The following ATP12A variants were observed in gnomAD, a reference collection of about 807,000 sequenced individuals.
ATP12A encodes potassium-transporting ATPase alpha chain 2.
In ATP12A, 81 loss-of-function variants were observed where a neutral mutation model predicts 111.2. The observed-to-expected ratio is 0.73, with a 90% CI of 0.61 to 0.88. The LOEUF is 0.88. ATP12A is among the 40% of genes least tolerant of loss of function. The pLI, the probability that ATP12A is intolerant of heterozygous loss-of-function variation, is 0.00. For missense variants in ATP12A, 1,196 were observed against 1,313.1 expected, an observed-to-expected ratio of 0.91 and a Z score of 1.38; for synonymous variants, 498 against 499.8, an observed-to-expected ratio of 1.00 and a Z score of 0.05.
chr13:24,692,745 A>C (rs1412101329), intron 9 of ATP12A, 42 bp from the exon 10 acceptor site: 1 of 1,607,464 alleles, frequency 6.2e-7, no homozygotes, highest in Admixed American at 1.7e-5. Context: ...ATGGACGGCC[A>C]GCCCAACCCA....
chr13:24,690,661 A>C lies in ATP12A; in HGVS notation c.739A>C (p.Thr247Pro), dbSNP rs761731384. Residue 247 changes from threonine (T) to proline (P), a missense_variant, in exon 7 of 23, where the codon ACC (threonine) becomes CCC (proline). By Grantham distance (38) the Thr-to-Pro change is conservative. This residue lies in a region of ATP12A where 1,126 missense variants were observed against 1,228.5 expected (regional missense o/e 0.92). Coordinates refer to ENST00000381946, the MANE Select transcript of ATP12A (RefSeq NM_001676.7). Reference protein sequence around the residue: ...SEPQPRSSEFTHENPLETKNI... With the variant: ...SEPQPRSSEFPHENPLETKNI... Reference sequence around the variant, plus strand: ...GCCCCAGCCCCGCTCCTCTGAGTTTACCCATGAAAACCCCCTGGAAACAAA... The same window carrying C: ...GCCCCAGCCCCGCTCCTCTGAGTTTCCCCATGAAAACCCCCTGGAAACAAA... 1.5e-5 allele frequency: 24 copies of C among 1,613,736 alleles called. No homozygotes were observed. The South Asian group carries it at 1.9e-4, about 13-fold the overall frequency.
intron 11 of ATP12A, among the ~76,000 whole-genome samples, chr13:24,698,419 T>A (rs1875256968): frequency 6.6e-6 from 1 of 152,076 alleles, no homozygotes; most frequent in African/African-American, 2.4e-5. Context: ...ACAACTAGCC[T>A]GCCTAAAGCA....
intron 7 of ATP12A, 122 bp from the exon 8 acceptor site, chr13:24,690,860 T>C (rs1008453816): frequency 6.8e-7 from 1 of 1,475,452 alleles, no homozygotes. Flanking sequence ...TAGAGGACGA[T>C]GCTTGGCCTT....
chr13:24,694,714 A>C, intron 11 of ATP12A, 136 bp downstream of exon 11: 3 of 1,328,424 alleles, frequency 2.3e-6, no homozygotes, highest in South Asian at 2.6e-5. Context: ...GCACCCAGGC[A>C]TCTGGTCCCC....
chr13:24,697,818 A>G (rs1010239281), intron 11 of ATP12A, among the ~76,000 whole-genome samples: 5 of 151,846 alleles, frequency 3.3e-5, no homozygotes, highest in African/African-American at 1.2e-4. Flanking sequence ...TGGTAACCCT[A>G]TTTGCCCTAT....
rs187912221 is a variant in ATP12A at position 24,706,740 on chromosome 13, A to G, written c.2169+277A>G. ...ATTTGCCACTGTGGTAGTTGTGAGTAAAGAGAGATTTAAAATGCAAAGATT... is the reference window on the plus strand; with the variant it reads ...ATTTGCCACTGTGGTAGTTGTGAGTGAAGAGAGATTTAAAATGCAAAGATT... On this transcript the variant is annotated intron_variant, in intron 15 of 22. Transcript: ENST00000381946. Among the ~76,000 whole-genome samples, 209 of 152,354 alleles carry G rather than the reference A, an allele frequency of 1.4e-3. 3 individuals carry two copies. In the East Asian group the frequency reaches 0.021, roughly 15 times the overall value.
intron 11 of ATP12A, among the ~76,000 whole-genome samples, chr13:24,694,885 A>T (rs998848340): frequency 1.3e-5 from 2 of 151,312 alleles, no homozygotes; most frequent in Non-Finnish European, 2.9e-5. Flanking sequence ...ACACACACAC[A>T]CTCACACCAC....
Position 24,694,597 on chromosome 13 carries a change from C to T in ATP12A, c.1512+19C>T. Reference sequence around the variant, plus strand: ...ATTTCAGGTGAGTTTTTCCTCACAACCGGTAATCTCTGTCATCGGCAGCAT... The same window carrying T: ...ATTTCAGGTGAGTTTTTCCTCACAATCGGTAATCTCTGTCATCGGCAGCAT... On this transcript the variant is annotated intron_variant, in intron 11 of 22. Transcript: ENST00000381946. The T allele has an allele frequency of 3.1e-6, 5 of 1,612,058 alleles. No individual in the cohort carries two copies. The highest frequency in any genetic ancestry group is 3.4e-6 in the Non-Finnish European group (4 of 1,179,918).
rs547347839 is a variant in ATP12A at position 24,681,589 on chromosome 13, C to G, written c.37C>G (p.Leu13Val). 23 of 1,613,928 alleles carry G rather than the reference C, an allele frequency of 1.4e-5. No homozygotes were observed. In the South Asian group the frequency reaches 2.4e-4, roughly 17 times the overall value. ...QKTPEIYSVE[L>V]SGTKDIVKTD... Reference sequence around the variant, plus strand: ...AACCCCAGAAATTTACTCCGTGGAGCTCAGCGGAACTAAGGACATCGTGAA... The same window carrying G: ...AACCCCAGAAATTTACTCCGTGGAGGTCAGCGGAACTAAGGACATCGTGAA... The change falls in exon 2 of 23, where the codon CTC becomes GTC. Residue 13 changes from leucine (L) to valine (V), a missense_variant. Coordinates refer to ENST00000381946, the MANE Select transcript of ATP12A (RefSeq NM_001676.7).
chr13:24,682,385 G>C (rs1158572961), intron 2 of ATP12A, among the ~76,000 whole-genome samples: 2 of 110,608 alleles, frequency 1.8e-5, no homozygotes, highest in Admixed American at 8.6e-5. Context: ...GTGTGTGTGT[G>C]GTGTGTGGTG....
At chr13:24,688,297 G>A (rs778146604) in intron 3 of ATP12A, 22 bp from the exon 4 acceptor site, 2 of 1,597,404 alleles carry the variant, frequency 1.3e-6, no homozygotes, top group South Asian at 2.3e-5. Context: ...GGTTGTGCAT[G>A]TGCTTTGTTT....
intron 12 of ATP12A, 122 bp from the exon 13 acceptor site, chr13:24,700,625 C>T (rs1875350443): frequency 3.7e-6 from 3 of 816,904 alleles, no homozygotes; most frequent in Non-Finnish European, 3.7e-6. Flanking sequence ...TTAAACAATT[C>T]TGGCTTATTC....
At position 24,710,496 on chromosome 13, in the gene ATP12A, T is replaced by C. The variant is rs751285245; in HGVS notation, c.2800T>C (p.Tyr934His). ...GAGGGAATACCTAGAATGGACGGGC[T>C]ACACGGCTTTCTTTGTTGGCATCCT... ...YQREYLEWTG[Y>H]TAFFVGILVQ... is the part of the protein sequence containing the mutation. The change falls in exon 20 of 23, where the codon TAC becomes CAC. Residue 934 changes from tyrosine (Y) to histidine (H), a missense_variant. Transcript: ENST00000381946. The C allele has an allele frequency of 2.4e-5, 39 of 1,614,110 alleles. No homozygotes were observed. In the East Asian group the frequency reaches 7.6e-4, roughly 31 times the overall value.
At chr13:24,692,123 C>T (rs940451665) in intron 8 of ATP12A, among the ~76,000 whole-genome samples, 5 of 152,126 alleles carry the variant, frequency 3.3e-5, no homozygotes, top group African/African-American at 4.8e-5. Context: ...CGTGATTGTA[C>T]GTGAACACGA....
At position 24,710,563 on chromosome 13, in the gene ATP12A, G is replaced by A. The variant is rs1157518218; in HGVS notation, c.2867G>A (p.Arg956Lys). The A allele has an allele frequency of 1.9e-6, 3 of 1,614,246 alleles. No individual in the cohort carries two copies. The highest frequency in any genetic ancestry group is 2.5e-6 in the Non-Finnish European group (3 of 1,180,044). The change falls in exon 20 of 23, where the codon AGG becomes AAG. Residue 956 changes from arginine (R) to lysine (K), a missense_variant. By Grantham distance (26) the Arg-to-Lys change is conservative. This residue lies in a region of ATP12A where 1,126 missense variants were observed against 1,228.5 expected (regional missense o/e 0.92). Transcript: ENST00000381946. Reference sequence around the variant, plus strand: ...GATCTGATCATCAGGAAAACCCGGAGGAATTCCATCTTCCAGCAGGGTCTC... The same window carrying A: ...GATCTGATCATCAGGAAAACCCGGAAGAATTCCATCTTCCAGCAGGGTCTC... Reference protein sequence around the residue: ...IADLIIRKTRRNSIFQQGLFR... With the variant: ...IADLIIRKTRKNSIFQQGLFR...
chr13:24,695,598 C>G (rs180802759), intron 11 of ATP12A, among the ~76,000 whole-genome samples: 2 of 119,060 alleles, frequency 1.7e-5, no homozygotes, highest in East Asian at 5.6e-4. Flanking sequence ...TAGGGAAGAA[C>G]TCTTTTTTTT....
At chr13:24,701,159 T>G (rs1018325482) in intron 13 of ATP12A, among the ~76,000 whole-genome samples, 1 of 152,180 alleles carries the variant, frequency 6.6e-6, no homozygotes, top group Non-Finnish European at 1.5e-5. Flanking sequence ...AATCTCCTAG[T>G]GCCTTGAAGT....
intron 2 of ATP12A, among the ~76,000 whole-genome samples, chr13:24,682,033 TGTGTATGTGTGTG>T (rs1874468822): frequency 1.6e-5 from 1 of 61,182 alleles, no homozygotes; most frequent in South Asian, 4.5e-4. Flanking sequence ...GTGTGTGGTG[TGTGTATGTGTGTG>T]GTGTGTGTGT....
rs1874888087 is a variant in ATP12A, at chr13:24,691,171, A to G, written c.989A>G (p.Tyr330Cys). ...TTCATCATCGCTGTGTCCCTGAAGTATCAAGTCCTGGACTCCATCATCTTC... is the reference window on the plus strand; with the variant it reads ...TTCATCATCGCTGTGTCCCTGAAGTGTCAAGTCCTGGACTCCATCATCTTC... Reference protein sequence around the residue: ...LFFIIAVSLKYQVLDSIIFLI... With the variant: ...LFFIIAVSLKCQVLDSIIFLI... Residue 330 changes from tyrosine to cysteine, a missense_variant, in exon 8 of 23, where the codon TAT becomes TGT. Physicochemically the swap from Tyr to Cys is radical, Grantham distance 194. Around this residue, in one of 3 missense-constraint regions of ATP12A, gnomAD observed 1,126 missense variants for 1,228.5 expected, o/e 0.92. Coordinates refer to ENST00000381946, the MANE Select transcript of ATP12A (RefSeq NM_001676.7). 2 of 1,613,992 alleles carry G rather than the reference A, an allele frequency of 1.2e-6. No homozygotes were observed. The highest frequency in any genetic ancestry group is 1.3e-5 in the African/African-American group (1 of 74,902).
Sources: allele counts gnomAD v4.1 joint callset (sites outside exome capture counted in the v4.1 genomes callset), GRCh38; gene constraint gnomAD v4.1.1; regional missense constraint gnomAD v4.1.1; transcripts MANE v1.5; gene names NCBI Gene and HGNC (gene_info 2026-07-23, HGNC 2026-07-21).